GPC5: variants seen among roughly 807,000 people sequenced by gnomAD.
GPC5 encodes glypican 5.
In GPC5, 47 loss-of-function variants were observed where a neutral mutation model predicts 53.9. The observed-to-expected ratio is 0.87, with a 90% confidence interval of 0.69 to 1.11. GPC5 has a LOEUF of 1.11. Among genes scored for constraint, GPC5 ranks in the 50% most tolerant of loss-of-function variants. The pLI is 0.00. For synonymous variants in GPC5, 286 were observed against 263.3 expected (o/e 1.09, Z -0.84); for missense variants, 748 against 713.1 (o/e 1.05, Z -0.56).
intron 5 of GPC5, among the ~76,000 whole-genome samples, chr13:91,769,604 G>A (rs1159150104): frequency 2.6e-5 from 4 of 152,194 alleles, no homozygotes; most frequent in African/African-American, 4.8e-5. Context: ...GGAACAGAAG[G>A]GAAATCAGCG....
At chr13:91,998,961 G>A (rs976788079) in intron 6 of GPC5, among the ~76,000 whole-genome samples, 2 of 152,144 alleles carry the variant, frequency 1.3e-5, no homozygotes, top group African/African-American at 4.8e-5. Flanking sequence ...GAACTTCCCT[G>A]AGTCTTTCTT....
chr13:92,022,778 T>A (rs2040769724), intron 6 of GPC5, among the ~76,000 whole-genome samples: 1 of 151,954 alleles, frequency 6.6e-6, no homozygotes, highest in Non-Finnish European at 1.5e-5. Flanking sequence ...TTGTTAGCAT[T>A]CCTTTATAGA....
intron 5 of GPC5, among the ~76,000 whole-genome samples, chr13:91,763,041 TATC>T (rs1269883607): frequency 6.6e-6 from 1 of 152,210 alleles, no homozygotes; most frequent in African/African-American, 2.4e-5. Context: ...GAATGATTAA[TATC>T]ATTGAACATC....
chr13:91,644,653 T>A (rs1033178580), intron 2 of GPC5, among the ~76,000 whole-genome samples: 3 of 152,216 alleles, frequency 2.0e-5, no homozygotes, highest in Admixed American at 6.5e-5. Flanking sequence ...TACTTATATA[T>A]GTTTGATGGC....
At chr13:92,235,580 C>G (rs985335058) in intron 7 of GPC5, among the ~76,000 whole-genome samples, 1 of 151,906 alleles carries the variant, frequency 6.6e-6, no homozygotes, top group Non-Finnish European at 1.5e-5. Flanking sequence ...AGAAGTGGCC[C>G]AAATCTTTAT....
chr13:92,745,432 C>T (rs1889217429), intron 7 of GPC5, among the ~76,000 whole-genome samples: 1 of 152,028 alleles, frequency 6.6e-6, no homozygotes, highest in South Asian at 2.1e-4. Flanking sequence ...CAGAAGGTCC[C>T]TTGGTAAAGC....
intron 5 of GPC5, among the ~76,000 whole-genome samples, chr13:91,863,337 T>A (rs2039050452): frequency 6.6e-6 from 1 of 152,186 alleles, no homozygotes; most frequent in African/African-American, 2.4e-5. Flanking sequence ...GATTCTGTTA[T>A]TTTACTTTAT....
intron 7 of GPC5, among the ~76,000 whole-genome samples, chr13:92,319,611 CA>C (rs2043202898): frequency 6.6e-6 from 1 of 152,076 alleles, no homozygotes; most frequent in Non-Finnish European, 1.5e-5. Flanking sequence ...TGAACCTTCT[CA>C]GGGTAGCATT....
chr13:92,371,556 TCA>T (rs1389141205), intron 7 of GPC5, among the ~76,000 whole-genome samples: 13 of 152,282 alleles, frequency 8.5e-5, no homozygotes, highest in African/African-American at 2.6e-4. Flanking sequence ...TTTAATTGAC[TCA>T]CAGTTTTGCA....
At chr13:91,568,562 A>C (rs1406980865) in intron 2 of GPC5, among the ~76,000 whole-genome samples, 1 of 90,842 alleles carries the variant, frequency 1.1e-5, no homozygotes, top group Non-Finnish European at 2.4e-5. Flanking sequence ...GCTTTTATTG[A>C]AAAAAAAAAA....
intron 6 of GPC5, among the ~76,000 whole-genome samples, chr13:92,058,154 A>G (rs558361314): frequency 1.1e-3 from 168 of 152,286 alleles, no homozygotes; most frequent in Non-Finnish European, 1.6e-3. Flanking sequence ...CAACAGCTAA[A>G]TTAACAGAGG....
chr13:92,492,815 C>T (rs1027009241), intron 7 of GPC5, among the ~76,000 whole-genome samples: 7 of 152,092 alleles, frequency 4.6e-5, no homozygotes, highest in African/African-American at 1.7e-4. Flanking sequence ...AATGCAATGC[C>T]TAGTAATCTC....
At chr13:92,630,397 C>A (rs910607351) in intron 7 of GPC5, among the ~76,000 whole-genome samples, 4 of 152,038 alleles carry the variant, frequency 2.6e-5, no homozygotes, top group African/African-American at 2.4e-5. Flanking sequence ...AAAATGCAAA[C>A]TATTCTTATT....
In GPC5 at chr13:92,731,484, G is replaced by A. The variant is rs565751769; in HGVS notation, c.1562-134798G>A. On this transcript the variant is annotated intron_variant, in intron 7 of 7. Transcript: ENST00000377067. The stretch of plus-strand genomic sequence containing the variant: ...TGCAAATTATAGTTAAAGAAAAAAG[G>A]AAATAAACAGATGGGGGAGAATTAA... Among the ~76,000 whole-genome samples, 50 of 151,414 alleles carry A rather than the reference G, an allele frequency of 3.3e-4. 1 individual carries two copies. In the South Asian group the frequency reaches 0.01, roughly 31 times the overall value.
chr13:92,762,918 C>A (rs1333597944), intron 7 of GPC5, among the ~76,000 whole-genome samples: 2 of 151,616 alleles, frequency 1.3e-5, no homozygotes, highest in Non-Finnish European at 2.9e-5. Context: ...ATTTTTATTT[C>A]ATTCAATGAA....
At chr13:92,527,113 AAAGAAAGAAAGAAAGAAAGAAAGAAAG>A in intron 7 of GPC5, among the ~76,000 whole-genome samples, 1 of 48,374 alleles carries the variant, frequency 2.1e-5, no homozygotes, top group African/African-American at 7.5e-5. Flanking sequence ...AAGAAAAAAG[AAAGAAAGAAAGAAAGAAAGAAAGAAAG>A]AAAGAAAGAA....
intron 7 of GPC5, among the ~76,000 whole-genome samples, chr13:92,469,546 T>C (rs548273358): frequency 1.2e-4 from 19 of 152,276 alleles, no homozygotes; most frequent in African/African-American, 4.6e-4. Flanking sequence ...ATTTACTTTA[T>C]GGGGCTCTAC....
intron 7 of GPC5, among the ~76,000 whole-genome samples, chr13:92,463,657 T>A (rs544372148): frequency 6.6e-6 from 1 of 152,210 alleles, no homozygotes; most frequent in Non-Finnish European, 1.5e-5. Flanking sequence ...ACTGTGTAAT[T>A]CTTCCTTGTA....
At chr13:91,938,693 T>C (rs146280413) in intron 6 of GPC5, among the ~76,000 whole-genome samples, 1 of 152,274 alleles carries the variant, frequency 6.6e-6, no homozygotes, top group Non-Finnish European at 1.5e-5. Context: ...AGGTACTTAA[T>C]TCTTCCATGG....
Sources: gnomAD v4.1 joint callset for allele counts (sites outside exome capture counted in the v4.1 genomes callset) on GRCh38, gnomAD v4.1.1 for gene constraint, MANE v1.5 for transcripts, NCBI Gene and HGNC (gene_info 2026-07-23, HGNC 2026-07-21) for gene names.